RAB37: variants seen among roughly 807,000 people sequenced by gnomAD.
RAB37 encodes RAB37, member RAS oncogene family, also known as ras-related protein Rab-37.
Under a neutral mutation model 33.1 loss-of-function variants are expected in RAB37, and 29 were observed. That is an observed-to-expected ratio of 0.88 (90% CI 0.65 to 1.20). RAB37 has a LOEUF of 1.20. RAB37 is among the 50% of genes most tolerant of loss of function. The probability of loss-of-function intolerance (pLI) is 0.00; values close to 1 mark genes in which losing one functional copy is unlikely to be tolerated. For synonymous variants in RAB37, 128 were observed against 119.5 expected, an observed-to-expected ratio of 1.07 and a Z score of -0.47; for missense variants, 299 against 301.1, an observed-to-expected ratio of 0.99 and a Z score of 0.05.
chr17:74,728,955 GTA>G (rs1237826965), intron 1 of RAB37, among the ~76,000 whole-genome samples: 1 of 151,846 alleles, frequency 6.6e-6, no homozygotes, highest in Non-Finnish European at 1.5e-5. Flanking sequence ...TGTTCTGTGT[GTA>G]TGTGTTGTAC....
upstream of RAB37, among the ~76,000 whole-genome samples, chr17:74,734,768 C>G: frequency 6.6e-6 from 1 of 151,658 alleles, no homozygotes; most frequent in Non-Finnish European, 1.5e-5. Context: ...ATGGCTTGAA[C>G]AGCCCGGGAG....
At chr17:74,732,643 T>C (rs1395319769), upstream of RAB37, among the ~76,000 whole-genome samples, 1 of 122,682 alleles carries the variant, frequency 8.2e-6, no homozygotes, top group African/African-American at 3.1e-5. Context: ...TGGTGTGAGG[T>C]GTATGTGGTG....
chr17:74,689,004 A>G lies in RAB37; in HGVS notation c.72+17346A>G, dbSNP rs114546167. ...TAGATATTTTAAGTCAAAATAAAAC[A>G]TGTAGAGGAAAAATAGCCTTGGCGC... On this transcript the variant is annotated intron_variant, in intron 1 of 7. Transcript: ENST00000340415. 4.7e-3 allele frequency among the ~76,000 whole-genome samples: 722 copies of G among 152,314 alleles called. 4 individuals are homozygous for G. Among genetic ancestry groups the G allele is most frequent in the African/African-American group, 0.016 (680 of 41,568 alleles).
intron 1 of RAB37, among the ~76,000 whole-genome samples, chr17:74,697,950 T>C (rs1049956883): frequency 1.3e-5 from 2 of 152,160 alleles, no homozygotes; most frequent in African/African-American, 4.8e-5. Flanking sequence ...GTGCATCCAC[T>C]GGTGTGTTTG....
At chr17:74,718,069 G>C (rs1161994381) in intron 1 of RAB37, among the ~76,000 whole-genome samples, 2 of 152,190 alleles carry the variant, frequency 1.3e-5, no homozygotes, top group Non-Finnish European at 2.9e-5. Context: ...GCCAAGGCAG[G>C]CAGATCCCTT....
intron 1 of RAB37, among the ~76,000 whole-genome samples, chr17:74,707,756 T>A (rs879164991): frequency 6.6e-6 from 1 of 151,244 alleles, no homozygotes; most frequent in Non-Finnish European, 1.5e-5. Flanking sequence ...TGACTGTATA[T>A]CCTGCACATA....
At chr17:74,703,574 T>A (rs1418648989) in intron 1 of RAB37, among the ~76,000 whole-genome samples, 1 of 152,210 alleles carries the variant, frequency 6.6e-6, no homozygotes, top group Non-Finnish European at 1.5e-5. Flanking sequence ...AATCATCATA[T>A]TCAGGAAGAA....
At chr17:74,718,318 TC>T (rs2034193631) in intron 1 of RAB37, among the ~76,000 whole-genome samples, 2 of 27,314 alleles carry the variant, frequency 7.3e-5, no homozygotes, top group Admixed American at 9.7e-4. Flanking sequence ...ATATCATACA[TC>T]ATATCATATC....
rs1028494524 is a variant in RAB37, at chr17:74,724,174, G to A, written c.73-5082G>A. On this transcript the variant is annotated intron_variant, in intron 1 of 7. Transcript: ENST00000340415. ...ATGTGGCCAAGGTGGTCAGGGCACA[G>A]CTAGGCTTTACACATTTTAGGGAGA... 2.6e-5 allele frequency among the ~76,000 whole-genome samples: 4 copies of A among 152,230 alleles called. No homozygotes were observed. The East Asian group carries it at 5.8e-4, about 22-fold the overall frequency.
intron 1 of RAB37, chr17:74,704,748 C>A (rs199777745): frequency 5.6e-6 from 9 of 1,614,038 alleles, no homozygotes; most frequent in African/African-American, 5.3e-5. Context: ...ACACACTGCA[C>A]GGTCAAGGAG....
At chr17:74,712,695 G>C (rs1302542408) in intron 1 of RAB37, 1 of 880,666 alleles carries the variant, frequency 1.1e-6, no homozygotes, top group Non-Finnish European at 1.8e-6. Context: ...TGAATGGTGG[G>C]TATGTGGATG....
chr17:74,703,121 C>T (rs775002575), intron 1 of RAB37: 29 of 1,613,528 alleles, frequency 1.8e-5, no homozygotes, highest in African/African-American at 2.7e-5. Flanking sequence ...TGGAGGTAGG[C>T]GTGGTGGGGG....
rs1598171728 is a variant in RAB37 at position 74,671,497 on chromosome 17, C to G, written c.-90C>G. 7.9e-7 allele frequency: 1 copy of G among 1,267,388 alleles called. No homozygotes were observed. The highest frequency in any genetic ancestry group is 1.8e-5 in the Admixed American group (1 of 55,572). 78.5% of individuals were successfully genotyped at this position (1,267,388 alleles called of 1,614,324 possible). A position where few individuals can be genotyped will look rare whatever the true frequency, so the allele number is the denominator to read the frequency against. ...CCGGCCCGCAGAGCTCAGACCCAAG[C>G]CTGCCGCACCCAGCGGAGCTCGAAC... On this transcript the variant is annotated 5_prime_UTR_variant, in exon 1 of 8. Coordinates refer to the RAB37 transcript ENST00000340415. The surrounding 1 kb of genome is among the most constrained non-coding windows in gnomAD (Gnocchi z 5.0).
chr17:74,736,756 C>T, upstream of RAB37: 1 of 1,535,694 alleles, frequency 6.5e-7, no homozygotes, highest in Non-Finnish European at 8.7e-7. Flanking sequence ...GTAAACAAAA[C>T]TATATTCAGA....
At chr17:74,673,667 T>A (rs2031756917) in intron 1 of RAB37, among the ~76,000 whole-genome samples, 2 of 152,110 alleles carry the variant, frequency 1.3e-5, no homozygotes, top group Non-Finnish European at 2.9e-5. Context: ...CCTTTGAGTT[T>A]ATTGATCACC....
At chr17:74,672,159 G>T (rs1379711233) in intron 1 of RAB37, among the ~76,000 whole-genome samples, 1 of 152,140 alleles carries the variant, frequency 6.6e-6, no homozygotes, top group East Asian at 1.9e-4. Context: ...CACAGCCCCT[G>T]TAAGCATTTG....
At chr17:74,697,557 G>A (rs1271772321) in intron 1 of RAB37, among the ~76,000 whole-genome samples, 1 of 152,230 alleles carries the variant, frequency 6.6e-6, no homozygotes, top group South Asian at 2.1e-4. Flanking sequence ...TTCCCAGGCT[G>A]TGGGGAGGGA....
At chr17:74,678,718 T>C (rs1357044038) in intron 1 of RAB37, among the ~76,000 whole-genome samples, 1 of 151,774 alleles carries the variant, frequency 6.6e-6, no homozygotes, top group Non-Finnish European at 1.5e-5. Context: ...TGCCTGCACA[T>C]GCACACATAC....
At chr17:74,692,180 A>G (rs936344523) in intron 1 of RAB37, among the ~76,000 whole-genome samples, 2 of 151,510 alleles carry the variant, frequency 1.3e-5, no homozygotes, top group African/African-American at 4.8e-5. Context: ...TATGACTTTT[A>G]TTCTTATACC....
Sources: allele counts gnomAD v4.1 joint callset (sites outside exome capture counted in the v4.1 genomes callset), GRCh38; gene constraint gnomAD v4.1.1; non-coding constraint Gnocchi (gnomAD v3.1); transcripts MANE v1.5; gene names NCBI Gene and HGNC (gene_info 2026-07-23, HGNC 2026-07-21).